Variants in PROS1 observed in about 807,000 individuals in gnomAD.
PROS1 encodes the protein vitamin K-dependent protein S.
PROS1 carries 29 observed loss-of-function variants against 75.9 expected under a neutral mutation model. That is an observed-to-expected ratio of 0.38 (90% CI 0.28 to 0.52). The LOEUF is 0.52. PROS1 is among the 20% of genes least tolerant of loss of function. PROS1 has a pLI of 0.83. For missense variants in PROS1, 680 were observed against 810.3 expected, an observed-to-expected ratio of 0.84 and a Z score of 1.95; for synonymous variants, 245 against 280.6, an observed-to-expected ratio of 0.87 and a Z score of 1.27.
rs371028997 is a variant in PROS1 at position 93,879,213 on chromosome 3, T to A, written c.1594A>T (p.Thr532Ser). Reference protein sequence around the residue: ...VMLALVSGNNTVPFAVSLVDS... With the variant: ...VMLALVSGNNSVPFAVSLVDS... ...ACCAAGGACACAGCAAAGGGCACTG[T>A]GTTGTTACCAGAAACCAAGGCAAGC... The change falls in exon 13 of 15, where the codon ACA becomes TCA. Residue 532 changes from threonine (T) to serine (S), a missense_variant. Thr to Ser is a moderately conservative substitution (Grantham distance 58). Transcript: ENST00000394236. The A allele has an allele frequency of 3.1e-6, 5 of 1,614,194 alleles. No individual in the cohort carries two copies. In the Admixed American group the frequency reaches 8.3e-5, roughly 27 times the overall value.
chr3:93,936,618 G>C (rs1709188425), intron 1 of PROS1, among the ~76,000 whole-genome samples: 1 of 152,078 alleles, frequency 6.6e-6, no homozygotes, highest in Non-Finnish European at 1.5e-5. Flanking sequence ...ACCAGAAACT[G>C]AGTTAACTGA....
intron 14 of PROS1, among the ~76,000 whole-genome samples, chr3:93,876,452 G>A (rs1186210617): frequency 6.6e-6 from 1 of 151,956 alleles, no homozygotes; most frequent in East Asian, 1.9e-4. Context: ...AGCCGGGTGT[G>A]GTGGCGGGCA....
chr3:93,927,911 G>GTGTATATATATATGTGTATATATATA (rs1559941436), intron 1 of PROS1, among the ~76,000 whole-genome samples: 77 of 135,738 alleles, frequency 5.7e-4, no homozygotes, highest in African/African-American at 1.8e-3. Context: ...GTGTGTGTGT[G>GTGTATATATATATGTGTATATATATA]TGTATATATA....
chr3:93,922,859 A>T (rs1489048721), intron 3 of PROS1, among the ~76,000 whole-genome samples: 1 of 152,210 alleles, frequency 6.6e-6, no homozygotes, highest in African/African-American at 2.4e-5. Context: ...AATTAAAAAA[A>T]ATCATAATAA....
chr3:93,930,955 T>G (rs1164475708), intron 1 of PROS1, among the ~76,000 whole-genome samples: 1 of 152,176 alleles, frequency 6.6e-6, no homozygotes, highest in Non-Finnish European at 1.5e-5. Context: ...ACAAAAACTG[T>G]TATGCTTCTG....
At chr3:93,947,819 G>A (rs989574714) in intron 1 of PROS1, among the ~76,000 whole-genome samples, 5 of 151,842 alleles carry the variant, frequency 3.3e-5, no homozygotes, top group Admixed American at 2.0e-4. Context: ...TGCCCGCCTC[G>A]GCCTCTCAAA....
intron 3 of PROS1, among the ~76,000 whole-genome samples, chr3:93,916,733 T>A (rs570476997): frequency 3.3e-5 from 5 of 152,264 alleles, no homozygotes; most frequent in African/African-American, 1.2e-4. Flanking sequence ...AGAGAAAGGC[T>A]AAGAAACAGA....
chr3:93,901,396 C>A (rs1219615608), intron 6 of PROS1, among the ~76,000 whole-genome samples: 2 of 152,142 alleles, frequency 1.3e-5, no homozygotes, highest in African/African-American at 4.8e-5. Flanking sequence ...AGATTAAGGT[C>A]TCTAAGTACT....
chr3:93,945,980 T>C (rs1487259674), intron 1 of PROS1, among the ~76,000 whole-genome samples: 2 of 152,150 alleles, frequency 1.3e-5, no homozygotes, highest in African/African-American at 2.4e-5. Flanking sequence ...ACAAAATCAA[T>C]ATGCAAAAAT....
chr3:93,882,972 CA>C (rs1329249821), intron 12 of PROS1, among the ~76,000 whole-genome samples: 1 of 151,956 alleles, frequency 6.6e-6, no homozygotes, highest in Non-Finnish European at 1.5e-5. Flanking sequence ...GAAGAACAAA[CA>C]AAAAAAGCTA....
intron 1 of PROS1, among the ~76,000 whole-genome samples, chr3:93,968,949 T>C (rs1251158618): frequency 3.9e-5 from 6 of 152,104 alleles, no homozygotes; most frequent in African/African-American, 1.4e-4. Context: ...GTTCATCTTA[T>C]TGAGCAAACA....
rs147694431 is a variant in PROS1, at chr3:93,957,617, C to T, written c.76+16057G>A. ...GAAGTGATGGATATGCTAATTTGCA[C>T]GATTTGATCGTTTCACAATGTATAA... On this transcript the variant is annotated intron_variant, in intron 1 of 14. Coordinates refer to ENST00000394236, the MANE Select transcript of PROS1 (RefSeq NM_000313.4). Among the ~76,000 whole-genome samples, 372 of 152,226 alleles carry T rather than the reference C, an allele frequency of 2.4e-3. 1 individual carries two copies. Among genetic ancestry groups the T allele is most frequent in the African/African-American group, 3.4e-3 (140 of 41,522 alleles).
At chr3:93,926,781 A>C (rs1211365940) in intron 2 of PROS1, among the ~76,000 whole-genome samples, 1 of 152,244 alleles carries the variant, frequency 6.6e-6, no homozygotes, top group Non-Finnish European at 1.5e-5. Flanking sequence ...TAACACTATC[A>C]AATTCTGGTT....
intron 7 of PROS1, 37 bp from the exon 8 acceptor site, chr3:93,898,606 A>G: frequency 6.2e-7 from 1 of 1,607,486 alleles, no homozygotes. Context: ...AAACTTTAAT[A>G]TCCCCTAAAT....
intron 9 of PROS1, among the ~76,000 whole-genome samples, chr3:93,894,805 T>C (rs1199243322): frequency 6.6e-6 from 1 of 152,094 alleles, no homozygotes; most frequent in Non-Finnish European, 1.5e-5. Flanking sequence ...TTTATAAAAA[T>C]TCATCAAGCT....
At chr3:93,897,809 A>G (rs2107157077) in intron 8 of PROS1, among the ~76,000 whole-genome samples, 1 of 152,198 alleles carries the variant, frequency 6.6e-6, no homozygotes, top group Non-Finnish European at 1.5e-5. Context: ...ATTTATTTCA[A>G]TGAAGTAAAA....
intron 6 of PROS1, among the ~76,000 whole-genome samples, chr3:93,902,352 T>C (rs1488995195): frequency 6.6e-6 from 1 of 152,122 alleles, no homozygotes; most frequent in Non-Finnish European, 1.5e-5. Flanking sequence ...TCAATAAGTG[T>C]ATTTGGTTTG....
intron 3 of PROS1, chr3:93,911,025 T>G: frequency 3.2e-6 from 1 of 310,240 alleles, no homozygotes; most frequent in Admixed American, 4.8e-5. Context: ...ATGTTTTTAA[T>G]TCCACAGCAG....
Position 93,884,788 on chromosome 3 carries a change from T to A in PROS1, c.1432A>T (p.Thr478Ser). ...QEKQNKHCLV[T>S]VEKGSYYPGS... Reference sequence around the variant, plus strand: ...GGATAGTAGGAGCCCTTCTCCACAGTAACCAGGCAATGCTTATTTTGTTTT... The same window carrying A: ...GGATAGTAGGAGCCCTTCTCCACAGAAACCAGGCAATGCTTATTTTGTTTT... The change falls in exon 12 of 15, where the codon ACT (threonine) becomes TCT (serine). Residue 478 changes from threonine (T) to serine (S), a missense_variant. Transcript: ENST00000394236. The A allele has an allele frequency of 6.2e-7, 1 of 1,613,942 alleles. No individual in the cohort carries two copies. The highest frequency in any genetic ancestry group is 8.5e-7 in the Non-Finnish European group (1 of 1,179,912).
Sources: allele counts gnomAD v4.1 joint callset (sites outside exome capture counted in the v4.1 genomes callset), GRCh38; gene constraint gnomAD v4.1.1; transcripts MANE v1.5; gene names NCBI Gene and HGNC (gene_info 2026-07-23, HGNC 2026-07-21).